Variants in ANO10 observed in about 807,000 individuals in gnomAD.
ANO10 encodes the protein anoctamin 10.
Under a neutral mutation model 74.7 loss-of-function variants are expected in ANO10, and 77 were observed. That is an observed-to-expected ratio of 1.03 (90% CI 0.86 to 1.25). ANO10 has a LOEUF of 1.25. Ranked by LOEUF, ANO10 falls within the 50% of genes most tolerant of loss-of-function variation. The pLI is 0.00. For synonymous variants in ANO10, 279 were observed against 284.9 expected, an observed-to-expected ratio of 0.98 and a Z score of 0.21; for missense variants, 721 against 778.1, an observed-to-expected ratio of 0.93 and a Z score of 0.87.
intron 12 of ANO10, among the ~76,000 whole-genome samples, chr3:43,370,781 CATT>C (rs1376574263): frequency 7.9e-5 from 12 of 152,260 alleles, no homozygotes; most frequent in Admixed American, 3.3e-4. Context: ...TTTTTTGCAT[CATT>C]ATTAGTAATG....
chr3:43,425,105 T>C (rs2092878264), intron 12 of ANO10, among the ~76,000 whole-genome samples: 2 of 152,136 alleles, frequency 1.3e-5, no homozygotes, highest in Admixed American at 1.3e-4. Context: ...GATTAATATG[T>C]GATTACCTAT....
At chr3:43,483,792 AG>A (rs2076361807) in intron 11 of ANO10, among the ~76,000 whole-genome samples, 1 of 152,204 alleles carries the variant, frequency 6.6e-6, no homozygotes, top group African/African-American at 2.4e-5. Context: ...CATCCTAAAG[AG>A]GTAGGATACC....
chr3:43,561,365 T>C lies in ANO10; in HGVS notation c.1331A>G (p.Asn444Ser). The C allele has an allele frequency of 4.3e-6, 7 of 1,614,150 alleles. No homozygotes were observed. The highest frequency in any genetic ancestry group is 5.1e-6 in the Non-Finnish European group (6 of 1,179,994). Residue 444 changes from asparagine (N) to serine (S), a missense_variant, in exon 9 of 13, where the codon AAC becomes AGC. Asn to Ser is a conservative substitution (Grantham distance 46). Transcript: ENST00000292246. ...AGGAAGAAAAGATTCCATAATTTGG[T>C]TGAGGATCTGGGAGGTAATTAGGAG... ...ATLLITSQIL[N>S]QIMESFLPYW... is the part of the protein sequence containing the mutation.
intron 11 of ANO10, among the ~76,000 whole-genome samples, chr3:43,467,801 T>C (rs1433663065): frequency 6.6e-6 from 1 of 152,230 alleles, no homozygotes; most frequent in Non-Finnish European, 1.5e-5. Flanking sequence ...GATCCTTCCT[T>C]AACTCTTCTA....
chr3:43,648,801 C>T (rs1197856051), intron 1 of ANO10, among the ~76,000 whole-genome samples: 5 of 151,738 alleles, frequency 3.3e-5, no homozygotes, highest in South Asian at 4.2e-4. Context: ...CTCAGCCTCC[C>T]GAGTAGCTGG....
chr3:43,390,130 T>C (rs887760103), intron 12 of ANO10, among the ~76,000 whole-genome samples: 1 of 152,184 alleles, frequency 6.6e-6, no homozygotes, highest in Non-Finnish European at 1.5e-5. Flanking sequence ...ACCCCACCTA[T>C]GGTATTTAAA....
intron 11 of ANO10, among the ~76,000 whole-genome samples, chr3:43,502,548 T>C (rs905283773): frequency 1.3e-5 from 2 of 152,184 alleles, no homozygotes; most frequent in Non-Finnish European, 2.9e-5. Flanking sequence ...ATGGAGATGC[T>C]TGTGTCACAC....
At chr3:43,651,483 T>C (rs73829505) in intron 1 of ANO10, among the ~76,000 whole-genome samples, 6,920 of 152,190 alleles carry the variant, frequency 0.045, 525 homozygotes, top group African/African-American at 0.16. Context: ...TTTTGGAAGA[T>C]AGAAGTAAAG....
At chr3:43,596,887 A>T (rs1201268600) in intron 4 of ANO10, among the ~76,000 whole-genome samples, 1 of 152,256 alleles carries the variant, frequency 6.6e-6, no homozygotes, top group African/African-American at 2.4e-5. Context: ...TAATATCCAG[A>T]ATCTACAAAG....
intron 7 of ANO10, among the ~76,000 whole-genome samples, chr3:43,568,438 A>G (rs1243695982): frequency 6.6e-6 from 1 of 152,154 alleles, no homozygotes; most frequent in Non-Finnish European, 1.5e-5. Context: ...GTTGGAAGTA[A>G]AGCACTCCTC....
At chr3:43,648,559 T>C (rs1457096894) in intron 1 of ANO10, among the ~76,000 whole-genome samples, 8 of 152,138 alleles carry the variant, frequency 5.3e-5, no homozygotes, top group Non-Finnish European at 2.9e-5. Context: ...GGTAATTTCT[T>C]GACATTGCCA....
Position 43,395,188 on chromosome 3 carries a change from C to A in ANO10, c.1915-28214G>T, listed in dbSNP as rs938418164. On this transcript the variant is annotated intron_variant, in intron 12 of 12. Transcript: ENST00000292246. ...ATCAGTTTTTTAACAATCAGAGGAC[C>A]CTAGGAAAGTTTTCTAGCAGATTCT... Among the ~76,000 whole-genome samples the A allele has an allele frequency of 6.6e-5, 10 of 152,088 alleles. No homozygotes were observed. The East Asian group carries it at 7.8e-4, about 12-fold the overall frequency.
At chr3:43,574,105 C>T (rs1338403699) in intron 7 of ANO10, among the ~76,000 whole-genome samples, 1 of 149,352 alleles carries the variant, frequency 6.7e-6, no homozygotes, top group Admixed American at 6.7e-5. Context: ...CAGGTGCCAC[C>T]ATACCCGGTG....
chr3:43,574,959 T>C, intron 6 of ANO10, 95 bp from the exon 7 acceptor site: 1 of 957,318 alleles, frequency 1.0e-6, no homozygotes, highest in Non-Finnish European at 1.7e-6. Context: ...GGCGGAGATG[T>C]CCAACATCAG....
chr3:43,568,838 A>T, intron 7 of ANO10, among the ~76,000 whole-genome samples: 1 of 148,718 alleles, frequency 6.7e-6, no homozygotes, highest in East Asian at 1.9e-4. Context: ...CTAAAATCAG[A>T]GCAGAACTGA....
At chr3:43,652,889 G>C (rs970657700) in intron 1 of ANO10, 1 of 151,780 alleles carries the variant, frequency 6.6e-6, no homozygotes. Context: ...AATATAGAGA[G>C]AGTATTTAAA....
intron 1 of ANO10, among the ~76,000 whole-genome samples, chr3:43,642,141 G>C (rs1006705494): frequency 3.3e-5 from 5 of 152,224 alleles, no homozygotes; most frequent in Admixed American, 3.3e-4. Context: ...TCAGTGAACA[G>C]ATCCAGGAAT....
chr3:43,444,409 CTT>C (rs1005289595), intron 11 of ANO10, among the ~76,000 whole-genome samples: 1 of 152,132 alleles, frequency 6.6e-6, no homozygotes, highest in African/African-American at 2.4e-5. Flanking sequence ...TTGGAGCTTG[CTT>C]TGTTTTTTCA....
At chr3:43,460,449 A>G (rs6441776) in intron 11 of ANO10, among the ~76,000 whole-genome samples, 33,838 of 152,176 alleles carry the variant, frequency 0.22, 4,301 homozygotes, top group Middle Eastern at 0.36. Context: ...CTTGGGGTGG[A>G]AGGTAGGAGG....
Sources: allele counts gnomAD v4.1 joint callset (sites outside exome capture counted in the v4.1 genomes callset), GRCh38; gene constraint gnomAD v4.1.1; transcripts MANE v1.5; gene names NCBI Gene and HGNC (gene_info 2026-07-23, HGNC 2026-07-21).